RFX7: variants seen among roughly 807,000 people sequenced by gnomAD.
The protein encoded by RFX7 is regulatory factor X7, also known as DNA-binding protein RFX7.
RFX7 carries 26 observed loss-of-function variants against 111.8 expected under a neutral mutation model. The ratio of observed to expected loss-of-function variants is 0.23; its 90% CI spans 0.17 to 0.32. RFX7 has a LOEUF of 0.32. Ranked by LOEUF, RFX7 falls within the 10% of genes least tolerant of loss-of-function variation. The pLI is 1.00. For synonymous variants in RFX7, 624 were observed against 624.4 expected (o/e 1.00, Z 0.01); for missense variants, 1,573 against 1,772.9 (o/e 0.89, Z 2.02).
In RFX7 at chr15:56,090,079, C is replaced by T. The variant is rs1380429373; in HGVS notation, c.*3266G>A. 1.3e-5 allele frequency: 2 copies of T among 152,138 alleles called. No individual in the cohort carries two copies. Among genetic ancestry groups the T allele is most frequent in the African/African-American group, 2.4e-5 (1 of 41,436 alleles). The allele number at this position is 152,138 out of a possible 1,614,324, so 9.4% of individuals were successfully genotyped here. A position where few individuals can be genotyped will look rare whatever the true frequency, so the allele number is the denominator to read the frequency against. On this transcript the variant is annotated 3_prime_UTR_variant, in exon 10 of 10. Coordinates refer to ENST00000559447, the MANE Select transcript of RFX7 (RefSeq NM_022841.7). Reference sequence around the variant, plus strand: ...CTTCGGCCTGCTTCCAGACCTGTAGCCCAGCTTCTGGCTTACAAATTCATT... The same window carrying T: ...CTTCGGCCTGCTTCCAGACCTGTAGTCCAGCTTCTGGCTTACAAATTCATT...
chr15:56,131,754 G>T (rs537330393), intron 5 of RFX7, among the ~76,000 whole-genome samples: 4 of 152,242 alleles, frequency 2.6e-5, no homozygotes, highest in Non-Finnish European at 5.9e-5. Flanking sequence ...AGGAAATGAT[G>T]TCTATCACTG....
chr15:56,173,688 G>A (rs768083871), intron 3 of RFX7, among the ~76,000 whole-genome samples: 57 of 152,196 alleles, frequency 3.7e-4, no homozygotes, highest in Non-Finnish European at 6.9e-4. Flanking sequence ...AGGCTACTCC[G>A]GAGGTTGAGG....
chr15:56,161,934 G>A (rs1181100398), intron 3 of RFX7, among the ~76,000 whole-genome samples: 1 of 151,988 alleles, frequency 6.6e-6, no homozygotes, highest in African/African-American at 2.4e-5. Context: ...TACAAAAACT[G>A]ACCATCATAG....
At chr15:56,164,297 T>C (rs954069778) in intron 3 of RFX7, among the ~76,000 whole-genome samples, 1 of 152,210 alleles carries the variant, frequency 6.6e-6, no homozygotes, top group African/African-American at 2.4e-5. Flanking sequence ...CTGGTCCATC[T>C]ACAGGGTCAG....
chr15:56,114,527 T>C (rs1286686712), intron 5 of RFX7, among the ~76,000 whole-genome samples: 2 of 151,826 alleles, frequency 1.3e-5, no homozygotes, highest in African/African-American at 4.8e-5. Flanking sequence ...AACAATGATA[T>C]AGTATGTTGA....
intron 3 of RFX7, among the ~76,000 whole-genome samples, chr15:56,154,923 A>C (rs2141062468): frequency 6.6e-6 from 1 of 152,340 alleles, no homozygotes; most frequent in East Asian, 1.9e-4. Context: ...GAACTTAAAC[A>C]AACTTACAAG....
At chr15:56,179,662 A>G (rs1399957022) in intron 2 of RFX7, among the ~76,000 whole-genome samples, 1 of 152,082 alleles carries the variant, frequency 6.6e-6, no homozygotes, top group Non-Finnish European at 1.5e-5. Flanking sequence ...ACTCTGGACA[A>G]TAATTTGCTT....
At position 56,223,091 on chromosome 15, in the gene RFX7, G is replaced by A. The variant is rs1456862706; in HGVS notation, c.161+20034C>T. ...TTAATTAATGCCCAAGGTGCTGAGCGAGACCTCTCCAATTTAGCTGTTTGA... is the reference window on the plus strand; with the variant it reads ...TTAATTAATGCCCAAGGTGCTGAGCAAGACCTCTCCAATTTAGCTGTTTGA... On this transcript the variant is annotated intron_variant, in intron 2 of 9. Transcript: ENST00000559447. 3.3e-5 allele frequency among the ~76,000 whole-genome samples: 5 copies of A among 152,100 alleles called. No homozygotes were observed. The South Asian group carries it at 6.2e-4, about 19-fold the overall frequency.
intron 5 of RFX7, among the ~76,000 whole-genome samples, chr15:56,116,196 CATGAAAACA>C (rs2140952889): frequency 6.6e-6 from 1 of 152,128 alleles, no homozygotes; most frequent in South Asian, 2.1e-4. Flanking sequence ...AGGTTGTATA[CATGAAAACA>C]AAAAAAGCCA....
In RFX7 at chr15:56,243,299, T is replaced by C; in HGVS notation, c.-2-12A>G. 2 of 55,168 alleles carry C rather than the reference T, an allele frequency of 3.6e-5. No homozygotes were observed. The highest frequency in any genetic ancestry group is 3.5e-5 in the Non-Finnish European group (1 of 28,716). The allele number at this position is 55,168 out of a possible 1,614,324, so 3.4% of individuals were successfully genotyped here. Reference sequence around the variant, plus strand: ...TTCCTCTGCCATCGCTGCAGAGGGGTGGGAGGGAGGGAGGGAAAGATGGGG... The same window carrying C: ...TTCCTCTGCCATCGCTGCAGAGGGGCGGGAGGGAGGGAGGGAAAGATGGGG... On this transcript the variant is annotated splice_polypyrimidine_tract_variant and intron_variant, in intron 1 of 9. Coordinates refer to ENST00000559447, the MANE Select transcript of RFX7 (RefSeq NM_022841.7).
At chr15:56,113,587 C>G (rs1429796312) in intron 5 of RFX7, among the ~76,000 whole-genome samples, 6 of 151,506 alleles carry the variant, frequency 4.0e-5, no homozygotes, top group African/African-American at 1.2e-4. Context: ...GTAGGTGCAG[C>G]AAACCACCAT....
chr15:56,201,698 A>T (rs1461140187), intron 2 of RFX7, among the ~76,000 whole-genome samples: 2 of 152,130 alleles, frequency 1.3e-5, no homozygotes, highest in Non-Finnish European at 1.5e-5. Context: ...CTTCAAAGCG[A>T]TGTATGGATA....
intron 5 of RFX7, among the ~76,000 whole-genome samples, chr15:56,114,476 AAG>A (rs1313897047): frequency 2.0e-5 from 3 of 151,852 alleles, no homozygotes; most frequent in African/African-American, 7.3e-5. Context: ...AAAAAGAAAA[AAG>A]AAATTTATCG....
chr15:56,168,618 A>T (rs1418239265), intron 3 of RFX7, among the ~76,000 whole-genome samples: 2 of 152,082 alleles, frequency 1.3e-5, no homozygotes, highest in Admixed American at 1.3e-4. Flanking sequence ...TAACCACCAC[A>T]TTCTTTTTCT....
chr15:56,140,571 G>T (rs548305012), intron 5 of RFX7, among the ~76,000 whole-genome samples: 1 of 152,156 alleles, frequency 6.6e-6, no homozygotes, highest in African/African-American at 2.4e-5. Flanking sequence ...AGAAATCACC[G>T]TCTTCTGCGT....
chr15:56,222,121 T>A (rs185948438), intron 2 of RFX7, among the ~76,000 whole-genome samples: 1 of 152,210 alleles, frequency 6.6e-6, no homozygotes, highest in Non-Finnish European at 1.5e-5. Context: ...ATTTCAGAAA[T>A]ATATTTTTGT....
chr15:56,243,061 C>A (rs2043725768), intron 2 of RFX7, 64 bp downstream of exon 2: 1 of 1,036,976 alleles, frequency 9.6e-7, no homozygotes, highest in African/African-American at 1.6e-5. Context: ...CCGCCGCCCC[C>A]CACCCACTTT....
chr15:56,141,847 A>G (rs1273062960), intron 5 of RFX7, among the ~76,000 whole-genome samples: 1 of 151,536 alleles, frequency 6.6e-6, no homozygotes, highest in African/African-American at 2.4e-5. Flanking sequence ...AAATAAATCT[A>G]GAGTCCTTCA....
intron 2 of RFX7, among the ~76,000 whole-genome samples, chr15:56,235,078 C>G (rs1354589706): frequency 6.6e-6 from 1 of 151,772 alleles, no homozygotes; most frequent in African/African-American, 2.4e-5. Context: ...CCAGCACATA[C>G]GTAAGTAGAG....
Sources: gnomAD v4.1 joint callset for allele counts (sites outside exome capture counted in the v4.1 genomes callset) on GRCh38, gnomAD v4.1.1 for gene constraint, MANE v1.5 for transcripts, NCBI Gene and HGNC (gene_info 2026-07-23, HGNC 2026-07-21) for gene names.